HDAC5: variants seen among roughly 807,000 people sequenced by gnomAD.
HDAC5 encodes antigen NY-CO-9.
Under a neutral mutation model 133.3 loss-of-function variants are expected in HDAC5, and 25 were observed. The observed-to-expected ratio is 0.19, with a 90% CI of 0.14 to 0.26. The LOEUF is 0.26. Among genes scored for constraint, HDAC5 ranks in the 10% least tolerant of loss-of-function variants. The pLI is 1.00. For synonymous variants in HDAC5, 589 were observed against 610.8 expected, an observed-to-expected ratio of 0.96 and a Z score of 0.53; for missense variants, 1,041 against 1,460.5, an observed-to-expected ratio of 0.71 and a Z score of 4.68.
At chr17:44,110,408 CCT>C (rs1383438494) in intron 3 of HDAC5, among the ~76,000 whole-genome samples, 2 of 152,194 alleles carry the variant, frequency 1.3e-5, no homozygotes, top group Non-Finnish European at 2.9e-5. Context: ...CACTTCCTCC[CCT>C]CTGACCACAG....
chr17:44,117,487 C>A lies in HDAC5; in HGVS notation c.22+7G>T, dbSNP rs1270029629. ...AGGGTGCTCTTCTCCAACCTCCCAG[C>A]TCTTACCCGACTCGTTGGGAGAGTT... On this transcript the variant is annotated splice_region_variant and intron_variant, in intron 2 of 26. Coordinates refer to ENST00000682912, the MANE Select transcript of HDAC5 (RefSeq NM_005474.5). The surrounding 1 kb of genome is among the most constrained non-coding windows in gnomAD (Gnocchi z 4.2). 1 of 1,614,170 alleles carries A rather than the reference C, an allele frequency of 6.2e-7. No individual in the cohort carries two copies.
At chr17:44,104,138 T>C (rs1253463046) in intron 3 of HDAC5, among the ~76,000 whole-genome samples, 1 of 149,992 alleles carries the variant, frequency 6.7e-6, no homozygotes, top group Non-Finnish European at 1.5e-5. Context: ...CTGGCCAACG[T>C]GGTGAAACCC....
At chr17:44,084,488 T>C in intron 16 of HDAC5, 67 bp downstream of exon 16, 1 of 1,595,724 alleles carries the variant, frequency 6.3e-7, no homozygotes, top group South Asian at 1.1e-5. Context: ...TCAGGCAGTC[T>C]TCCTGAGAGC....
chr17:44,081,085 C>T (rs903953550), intron 20 of HDAC5, among the ~76,000 whole-genome samples: 2 of 152,156 alleles, frequency 1.3e-5, no homozygotes, highest in Admixed American at 6.5e-5. Context: ...TTGCACACCC[C>T]ACACTTCTCT....
At chr17:44,100,034 C>A (rs1457736600) in intron 3 of HDAC5, among the ~76,000 whole-genome samples, 5 of 152,120 alleles carry the variant, frequency 3.3e-5, no homozygotes, top group Admixed American at 3.3e-4. Context: ...GTGGGGCAAC[C>A]CCTGAGACTA....
rs201959091 is a variant in HDAC5 at position 44,093,668 on chromosome 17, C to A, written c.261G>T (p.Gln87His). ...CGAACAGGAGCTGCTTCTGCAGCTG[C>A]TGCTGCTGCTTGAGCGCCAGGAGCT... ...QQELLALKQQQQLQKQLLFAE... is the reference protein window; with the variant it reads ...QQELLALKQQHQLQKQLLFAE... The change falls in exon 4 of 27, where the codon CAG becomes CAT. Residue 87 changes from glutamine to histidine, a missense_variant. By Grantham distance (24) the Gln-to-His change is conservative (BLOSUM62 0). Around this residue, in one of 9 missense-constraint regions of HDAC5, gnomAD observed 109 missense variants for 168.0 expected, o/e 0.65. Coordinates refer to ENST00000682912, the MANE Select transcript of HDAC5 (RefSeq NM_005474.5). The A allele has an allele frequency of 2.5e-5, 40 of 1,611,828 alleles. No homozygotes were observed. In the African/African-American group the frequency reaches 4.8e-4, roughly 19 times the overall value.
chr17:44,079,147 T>C lies in HDAC5; in HGVS notation c.3075A>G (p.Val1025=). The part of the protein sequence containing the change: ...SEACVSALLS[V]ELQPLDEAVL... ...CCAGCTCCTTCCCACCCCTTACCTC[T>C]ACACTGAGCAGAGCCGAGACACAAG... The change falls in exon 24 of 27, where the codon GTA becomes GTG. Residue 1025 remains valine (V), a synonymous_variant. Coordinates refer to ENST00000682912, the MANE Select transcript of HDAC5 (RefSeq NM_005474.5). 6.2e-7 allele frequency: 1 copy of C among 1,613,290 alleles called. No individual in the cohort carries two copies. Among genetic ancestry groups the C allele is most frequent in the East Asian group, 2.2e-5 (1 of 44,842 alleles).
intron 11 of HDAC5, among the ~76,000 whole-genome samples, 159 bp from the exon 12 acceptor site, chr17:44,088,757 A>G (rs1174591716): frequency 6.6e-6 from 1 of 151,858 alleles, no homozygotes; most frequent in Admixed American, 6.6e-5. Context: ...CCCAAACCTG[A>G]GCTCCATTCT....
At chr17:44,095,875 A>C (rs2051242673) in intron 3 of HDAC5, among the ~76,000 whole-genome samples, 1 of 152,042 alleles carries the variant, frequency 6.6e-6, no homozygotes, top group Admixed American at 6.6e-5. Context: ...GGGGAGAGGA[A>C]GGCTGCTGGG....
rs2050154612 is a variant in HDAC5, at chr17:44,077,020, T to C, written c.*1356A>G. ...CACTATGAACCGATGGTGCTGGGACTCCTGCCCCTCCCCTGGCTCCCTCAA... is the reference window on the plus strand; with the variant it reads ...CACTATGAACCGATGGTGCTGGGACCCCTGCCCCTCCCCTGGCTCCCTCAA... On this transcript the variant is annotated 3_prime_UTR_variant, in exon 27 of 27. Coordinates refer to ENST00000682912, the MANE Select transcript of HDAC5 (RefSeq NM_005474.5). 6.5e-6 allele frequency: 1 copy of C among 152,928 alleles called. No individual in the cohort carries two copies. The highest frequency in any genetic ancestry group is 2.1e-4 in the South Asian group (1 of 4,832). The allele number at this position is 152,928 out of a possible 1,614,324, so 9.5% of individuals were successfully genotyped here.
intron 3 of HDAC5, among the ~76,000 whole-genome samples, chr17:44,108,826 TCA>T (rs2052156273): frequency 6.8e-6 from 1 of 146,938 alleles, no homozygotes; most frequent in South Asian, 2.2e-4. Context: ...CCTAGCCGCG[TCA>T]CAGACACAGC....
At chr17:44,096,691 G>A (rs938427647) in intron 3 of HDAC5, among the ~76,000 whole-genome samples, 1 of 151,916 alleles carries the variant, frequency 6.6e-6, no homozygotes, top group African/African-American at 2.4e-5. Flanking sequence ...GGCCAGGCTG[G>A]TCTCAAACTC....
chr17:44,106,073 T>G (rs1414414346), intron 3 of HDAC5, among the ~76,000 whole-genome samples: 1 of 152,194 alleles, frequency 6.6e-6, no homozygotes, highest in Non-Finnish European at 1.5e-5. Flanking sequence ...GTCCCCAGGC[T>G]GCCTCCTGCC....
chr17:44,096,260 T>C (rs1186374024), intron 3 of HDAC5, among the ~76,000 whole-genome samples: 2 of 151,836 alleles, frequency 1.3e-5, no homozygotes, highest in African/African-American at 4.8e-5. Flanking sequence ...GCCCTCACTC[T>C]CCTCGCTACA....
At chr17:44,111,323 G>A (rs556810143) in intron 2 of HDAC5, 72 of 330,150 alleles carry the variant, frequency 2.2e-4, no homozygotes, top group South Asian at 6.5e-4. Context: ...GGAGCTGCGG[G>A]CGGGCTGCCA....
In HDAC5 at chr17:44,078,150, A is replaced by G. The variant is rs1455200995; in HGVS notation, c.*226T>C. 2.3e-5 allele frequency: 10 copies of G among 434,122 alleles called. No individual in the cohort carries two copies. Among genetic ancestry groups the G allele is most frequent in the Non-Finnish European group, 2.4e-5 (6 of 246,964 alleles). 26.9% of individuals were successfully genotyped at this position (434,122 alleles called of 1,614,324 possible). ...TGCAGGAAAATGGGGGGAGGGACAC[A>G]TGGGACAGGGCTGGGAAGACACCAC... is the stretch of plus-strand genomic sequence containing the variant. On this transcript the variant is annotated 3_prime_UTR_variant, in exon 27 of 27. Coordinates refer to ENST00000682912, the MANE Select transcript of HDAC5 (RefSeq NM_005474.5).
intron 3 of HDAC5, among the ~76,000 whole-genome samples, chr17:44,105,569 C>T (rs186118042): frequency 2.2e-3 from 340 of 152,304 alleles, no homozygotes; most frequent in Non-Finnish European, 3.2e-3. Context: ...TGCCTCCACT[C>T]CCTAAGCACA....
In HDAC5 at chr17:44,102,770, G is replaced by A. The variant is rs545908951; in HGVS notation, c.94+7959C>T. ...CAACCTCCGCCTCCTGGGTTCAAGC[G>A]ATTCTCCTGCCTCAGCCTCCCAAGT... On this transcript the variant is annotated intron_variant, in intron 3 of 26. Coordinates refer to ENST00000682912, the MANE Select transcript of HDAC5 (RefSeq NM_005474.5). Among the ~76,000 whole-genome samples the A allele has an allele frequency of 3.5e-4, 53 of 151,174 alleles. No homozygotes were observed. The East Asian group carries it at 8.4e-3, about 24-fold the overall frequency.
At chr17:44,122,738 T>A (rs2053087800) in intron 1 of HDAC5, among the ~76,000 whole-genome samples, 1 of 151,572 alleles carries the variant, frequency 6.6e-6, no homozygotes, top group African/African-American at 2.4e-5. Context: ...AGAAGCTGAC[T>A]CCCCCCAAGT....
Sources: allele counts gnomAD v4.1 joint callset (sites outside exome capture counted in the v4.1 genomes callset), GRCh38; gene constraint gnomAD v4.1.1; regional missense constraint gnomAD v4.1.1; non-coding constraint Gnocchi (gnomAD v3.1); transcripts MANE v1.5; gene names NCBI Gene and HGNC (gene_info 2026-07-23, HGNC 2026-07-21).